The following FBN2 variants were observed in gnomAD, a reference collection of about 807,000 sequenced individuals.
FBN2 encodes the protein fibrillin-2.
Under a neutral mutation model 355.6 loss-of-function variants are expected in FBN2, and 105 were observed. The observed-to-expected ratio is 0.30, with a 90% CI of 0.25 to 0.35. FBN2 has a LOEUF of 0.35. Among genes scored for constraint, FBN2 ranks in the 10% least tolerant of loss-of-function variants. The pLI, the probability that FBN2 is intolerant of heterozygous loss-of-function variation, is 1.00. For synonymous variants in FBN2, 1,350 were observed against 1,301.2 expected, an observed-to-expected ratio of 1.04 and a Z score of -0.81; for missense variants, 3,280 against 3,758.7, an observed-to-expected ratio of 0.87 and a Z score of 3.33.
At chr5:128,441,420 C>T (rs1472072892) in intron 7 of FBN2, among the ~76,000 whole-genome samples, 2 of 152,226 alleles carry the variant, frequency 1.3e-5, no homozygotes, top group East Asian at 1.9e-4. Flanking sequence ...ATCTAGCACA[C>T]TGGCATTCTG....
chr5:128,387,971 T>C (rs909962853), intron 11 of FBN2, among the ~76,000 whole-genome samples: 2 of 152,136 alleles, frequency 1.3e-5, no homozygotes, highest in African/African-American at 4.8e-5. Flanking sequence ...TATTGTGTTG[T>C]TATCTACAAC....
Position 128,345,577 on chromosome 5 carries a change from G to A in FBN2, c.2997C>T (p.Arg999=), listed in dbSNP as rs1751155993. Residue 999 remains arginine (R), a synonymous_variant, in exon 24 of 65, where the codon CGC becomes CGT. Coordinates refer to ENST00000262464, the MANE Select transcript of FBN2 (RefSeq NM_001999.4). ...CCCACTTCAAGTAACACTGCTCCATGCGAATATCTACACCGAGAACGAAAT... is the reference window on the plus strand; with the variant it reads ...CCCACTTCAAGTAACACTGCTCCATACGAATATCTACACCGAGAACGAAAT... The part of the protein sequence containing the change: ...DGTGRVCLDI[R]MEQCYLKWDE... 2.5e-5 allele frequency: 40 copies of A among 1,612,282 alleles called. No individual in the cohort carries two copies. Among genetic ancestry groups the A allele is most frequent in the Non-Finnish European group, 3.3e-5 (39 of 1,178,904 alleles).
chr5:128,437,896 T>C (rs1368857349), intron 7 of FBN2, among the ~76,000 whole-genome samples: 1 of 151,990 alleles, frequency 6.6e-6, no homozygotes, highest in East Asian at 1.9e-4. Context: ...GAAAAAGAAA[T>C]TGATCTGTTT....
intron 46 of FBN2, among the ~76,000 whole-genome samples, chr5:128,302,024 T>C (rs1337132662): frequency 3.9e-5 from 6 of 152,230 alleles, no homozygotes; most frequent in Non-Finnish European, 7.4e-5. Flanking sequence ...TATTAAGTTT[T>C]CATTTAAGTT....
Position 128,527,861 on chromosome 5 carries a change from ATG to A in FBN2, c.532+9_532+10del. 6.5e-7 allele frequency: 1 copy of A among 1,532,730 alleles called. No individual in the cohort carries two copies. Among genetic ancestry groups the A allele is most frequent in the Non-Finnish European group, 9.0e-7 (1 of 1,106,498 alleles). 94.9% of individuals were successfully genotyped at this position (1,532,730 alleles called of 1,614,324 possible). A position where few individuals can be genotyped will look rare whatever the true frequency, so the allele number is the denominator to read the frequency against. Reference sequence around the variant, plus strand: ...AAATCAAATGATTTCTAATAAATCAATGTCCCTTACGTTGTCCACAATAAGTT... The same window carrying A: ...AAATCAAATGATTTCTAATAAATCAATCCCTTACGTTGTCCACAATAAGTT... On this transcript the variant is annotated intron_variant, in intron 4 of 64. Coordinates refer to ENST00000262464, the MANE Select transcript of FBN2 (RefSeq NM_001999.4).
At chr5:128,536,287 A>G (rs544262339) in intron 2 of FBN2, 115 bp downstream of exon 2, 33 of 784,644 alleles carry the variant, frequency 4.2e-5, no homozygotes, top group African/African-American at 6.8e-5. Flanking sequence ...TATCAGTGCA[A>G]TGTGATCACT....
intron 18 of FBN2, 21 bp downstream of exon 18, chr5:128,364,579 T>C (rs746065126): frequency 4.3e-6 from 7 of 1,610,116 alleles, no homozygotes; most frequent in African/African-American, 4.0e-5. Flanking sequence ...TGTTCTTGCA[T>C]AAATATAACA....
intron 6 of FBN2, among the ~76,000 whole-genome samples, chr5:128,453,411 T>C (rs978069040): frequency 3.9e-5 from 6 of 152,230 alleles, no homozygotes; most frequent in Non-Finnish European, 8.8e-5. Flanking sequence ...GCCTCCATCA[T>C]ATAGCACCTG....
At chr5:128,462,724 G>A (rs1158834386) in intron 6 of FBN2, among the ~76,000 whole-genome samples, 1 of 152,236 alleles carries the variant, frequency 6.6e-6, no homozygotes, top group Non-Finnish European at 1.5e-5. Context: ...GACAAAGTAT[G>A]AAAGTAAAAA....
rs1581233680 is a variant in FBN2 at position 128,349,206 on chromosome 5, T to C, written c.2989+141A>G. The C allele has an allele frequency of 2.6e-5, 25 of 946,380 alleles. No homozygotes were observed. In the East Asian group the frequency reaches 6.3e-4, roughly 24 times the overall value. The allele number at this position is 946,380 out of a possible 1,614,324, so 58.6% of individuals were successfully genotyped here. Reference sequence around the variant, plus strand: ...AAATACATTCACTTTTAAAACAGCCTCTAGTGATTTCCCCCTAAATATCTC... The same window carrying C: ...AAATACATTCACTTTTAAAACAGCCCCTAGTGATTTCCCCCTAAATATCTC... On this transcript the variant is annotated intron_variant, in intron 23 of 64. Coordinates refer to ENST00000262464, the MANE Select transcript of FBN2 (RefSeq NM_001999.4).
Position 128,305,599 on chromosome 5 carries a change from C to T in FBN2, c.5586G>A (p.Gln1862=), listed in dbSNP as rs1749847150. The T allele has an allele frequency of 1.2e-6, 2 of 1,613,852 alleles. No individual in the cohort carries two copies. Among genetic ancestry groups the T allele is most frequent in the East Asian group, 2.2e-5 (1 of 44,874 alleles). ...GACTATTGATGCAGTCTGCATTCCG[C>T]TGGCAGAGATTATCACCATTGCTGC... ...DECSNGDNLC[Q]RNADCINSPG... Residue 1862 remains glutamine (Q), a synonymous_variant, in exon 44 of 65, where the codon CAG becomes CAA. Transcript: ENST00000262464.
intron 3 of FBN2, among the ~76,000 whole-genome samples, chr5:128,528,248 GA>G (rs1756616835): frequency 6.6e-6 from 1 of 152,088 alleles, no homozygotes; most frequent in Non-Finnish European, 1.5e-5. Context: ...TGGAAAGCAG[GA>G]GGCACTTTTG....
At chr5:128,322,998 G>A (rs1284365177) in intron 34 of FBN2, among the ~76,000 whole-genome samples, 1 of 152,146 alleles carries the variant, frequency 6.6e-6, no homozygotes, top group African/African-American at 2.4e-5. Flanking sequence ...TCCCTTGTAA[G>A]TTGTATTCCT....
At chr5:128,268,615 G>A (rs985553874) in intron 62 of FBN2, among the ~76,000 whole-genome samples, 2 of 152,064 alleles carry the variant, frequency 1.3e-5, no homozygotes, top group African/African-American at 4.8e-5. Flanking sequence ...ACATCGATGC[G>A]AAAATCCTCA....
intron 6 of FBN2, among the ~76,000 whole-genome samples, chr5:128,448,367 C>T (rs539839146): frequency 1.6e-4 from 24 of 151,674 alleles, no homozygotes; most frequent in African/African-American, 5.1e-4. Context: ...TGTGCAGTGG[C>T]GTGATCTTGA....
At chr5:128,343,788 CTG>C (rs1751092857) in intron 25 of FBN2, among the ~76,000 whole-genome samples, 1 of 152,110 alleles carries the variant, frequency 6.6e-6, no homozygotes, top group Admixed American at 6.5e-5. Flanking sequence ...GATTTAATGA[CTG>C]TATTTCTTTA....
At chr5:128,371,383 T>C (rs1478820868) in intron 15 of FBN2, among the ~76,000 whole-genome samples, 1 of 152,106 alleles carries the variant, frequency 6.6e-6, no homozygotes, top group Non-Finnish European at 1.5e-5. Context: ...ATCTTTTCCA[T>C]ATGTTAGCAG....
intron 8 of FBN2, among the ~76,000 whole-genome samples, chr5:128,402,163 T>C (rs1165621123): frequency 6.6e-6 from 1 of 152,000 alleles, no homozygotes; most frequent in Non-Finnish European, 1.5e-5. Context: ...ATGTATCATG[T>C]GGAAAAATAT....
At chr5:128,441,190 C>T (rs1753909544) in intron 7 of FBN2, among the ~76,000 whole-genome samples, 2 of 152,174 alleles carry the variant, frequency 1.3e-5, no homozygotes, top group Admixed American at 1.3e-4. Context: ...ACAGCCAGTG[C>T]CAGGATCTTT....
Sources: gnomAD v4.1 joint callset for allele counts (sites outside exome capture counted in the v4.1 genomes callset) on GRCh38, gnomAD v4.1.1 for gene constraint, MANE v1.5 for transcripts, NCBI Gene and HGNC (gene_info 2026-07-23, HGNC 2026-07-21) for gene names.